ADGRB3: variants seen among roughly 807,000 people sequenced by gnomAD.
The protein encoded by ADGRB3 is brain-specific angiogenesis inhibitor 3.
Under a neutral mutation model 193.4 loss-of-function variants are expected in ADGRB3, and 37 were observed. The ratio of observed to expected loss-of-function variants is 0.19; its 90% confidence interval spans 0.15 to 0.25. The LOEUF (loss-of-function observed/expected upper bound fraction) is 0.25. Ranked by LOEUF, ADGRB3 falls within the 10% of genes least tolerant of loss-of-function variation. ADGRB3 has a pLI of 1.00. For missense variants in ADGRB3, 1,637 were observed against 1,852.9 expected (o/e 0.88, Z 2.14); for synonymous variants, 690 against 644.2 (o/e 1.07, Z -1.08).
At chr6:69,374,666 T>C (rs905541524) in intron 30 of ADGRB3, among the ~76,000 whole-genome samples, 2 of 152,102 alleles carry the variant, frequency 1.3e-5, no homozygotes, top group African/African-American at 4.8e-5. Context: ...GGATTCTTGC[T>C]TTCTGGAAAC....
At chr6:68,641,707 A>G (rs1768085681) in intron 3 of ADGRB3, among the ~76,000 whole-genome samples, 1 of 152,124 alleles carries the variant, frequency 6.6e-6, no homozygotes, top group Admixed American at 6.5e-5. Flanking sequence ...TTGTTAAGTA[A>G]TTCTTACAAA....
chr6:69,037,758 G>T (rs10485429), intron 13 of ADGRB3, among the ~76,000 whole-genome samples: 17,083 of 151,886 alleles, frequency 0.11, 1,136 homozygotes, highest in Middle Eastern at 0.26. Context: ...TCTTTCCTAA[G>T]TTCTTGCTCT....
intron 17 of ADGRB3, among the ~76,000 whole-genome samples, chr6:69,222,726 G>A (rs923213828): frequency 1.3e-5 from 2 of 152,006 alleles, no homozygotes; most frequent in Non-Finnish European, 2.9e-5. Context: ...TTTGGTGAAT[G>A]TACTTATTTC....
chr6:69,141,119 CTT>C (rs1391159036), intron 17 of ADGRB3, among the ~76,000 whole-genome samples: 2,268 of 116,772 alleles, frequency 0.019, 44 homozygotes, highest in African/African-American at 0.045. Context: ...ATATTTCTTT[CTT>C]TTTTTTTGGG....
At chr6:68,724,065 G>A (rs1056300567) in intron 3 of ADGRB3, among the ~76,000 whole-genome samples, 3 of 151,138 alleles carry the variant, frequency 2.0e-5, no homozygotes, top group Admixed American at 6.6e-5. Context: ...TAGCATGACC[G>A]CAGGGTCTCT....
chr6:69,127,405 A>G (rs564140276), intron 17 of ADGRB3, among the ~76,000 whole-genome samples: 216 of 152,332 alleles, frequency 1.4e-3, no homozygotes, highest in Non-Finnish European at 2.6e-3. Flanking sequence ...CTGTGGAATC[A>G]TTTCCTGCTT....
chr6:68,920,427 A>C (rs1767004259), intron 3 of ADGRB3, among the ~76,000 whole-genome samples: 1 of 146,558 alleles, frequency 6.8e-6, no homozygotes, highest in African/African-American at 2.5e-5. Flanking sequence ...CTGAGGCAGG[A>C]GAATGACGTG....
Position 68,858,780 on chromosome 6 carries a change from G to A in ADGRB3, c.758-71779G>A, listed in dbSNP as rs573226362. Among the ~76,000 whole-genome samples, 7 of 152,054 alleles carry A rather than the reference G, an allele frequency of 4.6e-5. No individual in the cohort carries two copies. In the South Asian group the frequency reaches 1.0e-3, roughly 23 times the overall value. ...CTTTCAGCTGCAGATGGGACACAGG[G>A]CATCAAGTCCCTAGACTGCACACAG... On this transcript the variant is annotated intron_variant, in intron 3 of 31. Coordinates refer to ENST00000370598, the MANE Select transcript of ADGRB3 (RefSeq NM_001704.3).
At chr6:69,143,101 T>C (rs1290692379) in intron 17 of ADGRB3, among the ~76,000 whole-genome samples, 1 of 152,196 alleles carries the variant, frequency 6.6e-6, no homozygotes, top group African/African-American at 2.4e-5. Flanking sequence ...GATATCTCAT[T>C]GTAGTTTTGC....
At chr6:68,919,409 A>C (rs1189887330) in intron 3 of ADGRB3, among the ~76,000 whole-genome samples, 1 of 152,178 alleles carries the variant, frequency 6.6e-6, no homozygotes, top group Non-Finnish European at 1.5e-5. Context: ...CTGTTAGCAA[A>C]ATATTTATGA....
intron 13 of ADGRB3, among the ~76,000 whole-genome samples, chr6:69,028,268 C>G (rs761879077): frequency 1.5e-4 from 23 of 152,202 alleles, no homozygotes; most frequent in South Asian, 1.4e-3. Flanking sequence ...GAATAGAACT[C>G]TTAAGGCTCA....
At chr6:69,239,096 G>T (rs374221925) in intron 19 of ADGRB3, 28 bp from the exon 20 acceptor site, 1 of 1,383,088 alleles carries the variant, frequency 7.2e-7, no homozygotes, top group Non-Finnish European at 1.0e-6. Flanking sequence ...GGATTTTAAA[G>T]TTGGGTAACT....
chr6:68,743,573 G>T (rs960884653), intron 3 of ADGRB3, among the ~76,000 whole-genome samples: 4 of 151,920 alleles, frequency 2.6e-5, no homozygotes, highest in African/African-American at 7.3e-5. Flanking sequence ...GTCAGCTCTG[G>T]TAAAGTTGTT....
chr6:69,388,276 T>C (rs1477970744), intron 31 of ADGRB3, among the ~76,000 whole-genome samples: 1 of 152,108 alleles, frequency 6.6e-6, no homozygotes. Flanking sequence ...CTTTTTATTA[T>C]CAAATAATAT....
At chr6:69,088,912 A>G (rs1772628423) in intron 17 of ADGRB3, among the ~76,000 whole-genome samples, 1 of 152,234 alleles carries the variant, frequency 6.6e-6, no homozygotes, top group Non-Finnish European at 1.5e-5. Flanking sequence ...TTATTTTCAT[A>G]ATTACTACTA....
At chr6:68,930,495 C>A in intron 3 of ADGRB3, 64 bp from the exon 4 acceptor site, 1 of 1,089,632 alleles carries the variant, frequency 9.2e-7, no homozygotes, top group Non-Finnish European at 1.4e-6. Context: ...TTGCATGAGA[C>A]AGTAATGTAA....
chr6:69,250,532 A>G (rs1766597623), intron 20 of ADGRB3, among the ~76,000 whole-genome samples: 1 of 152,208 alleles, frequency 6.6e-6, no homozygotes, highest in Non-Finnish European at 1.5e-5. Flanking sequence ...AAACATATTT[A>G]TAATCCTCAC....
chr6:69,047,589 C>A (rs1285888271), intron 13 of ADGRB3, among the ~76,000 whole-genome samples: 2 of 151,762 alleles, frequency 1.3e-5, no homozygotes, highest in Non-Finnish European at 2.9e-5. Context: ...TCTATTTGAT[C>A]ACTATTTCTA....
intron 3 of ADGRB3, among the ~76,000 whole-genome samples, chr6:68,748,047 G>T (rs1163719705): frequency 6.6e-6 from 1 of 152,106 alleles, no homozygotes; most frequent in Non-Finnish European, 1.5e-5. Context: ...AGAATAGCAT[G>T]GAAAAGACTG....
Sources: gnomAD v4.1 joint callset for allele counts (sites outside exome capture counted in the v4.1 genomes callset) on GRCh38, gnomAD v4.1.1 for gene constraint, MANE v1.5 for transcripts, NCBI Gene and HGNC (gene_info 2026-07-23, HGNC 2026-07-21) for gene names.